RPA3: variants seen among roughly 807,000 people sequenced by gnomAD.
RPA3 encodes the protein replication protein A3, also known as replication protein A 14 kDa subunit.
In RPA3, 24 loss-of-function variants were observed where a neutral mutation model predicts 13.7. The observed-to-expected ratio is 1.75, with a 90% CI of 1.27 to 2.46. The LOEUF (loss-of-function observed/expected upper bound fraction) is 2.46, where lower values mean the gene tolerates loss of function less well. Ranked by LOEUF, RPA3 falls within the 30% of genes most tolerant of loss-of-function variation. The probability of loss-of-function intolerance (pLI) is 0.00; values close to 1 mark genes in which losing one functional copy is unlikely to be tolerated. For synonymous variants in RPA3, 59 were observed against 51.2 expected (o/e 1.15, Z -0.65); for missense variants, 183 against 151.0 (o/e 1.21, Z -1.11).
At chr7:7,669,166 A>G (rs1290716868) in intron 4 of RPA3, among the ~76,000 whole-genome samples, 6 of 152,030 alleles carry the variant, frequency 3.9e-5, no homozygotes, top group South Asian at 2.1e-4. Flanking sequence ...CATACTGTAT[A>G]TAGGGTTTAG....
chr7:7,666,037 G>T (rs1196233680), intron 4 of RPA3, among the ~76,000 whole-genome samples: 1 of 152,064 alleles, frequency 6.6e-6, no homozygotes, highest in Non-Finnish European at 1.5e-5. Context: ...TAAGGGCTAA[G>T]TTATATGGTG....
At chr7:7,673,792 C>G (rs1349888518) in intron 4 of RPA3, among the ~76,000 whole-genome samples, 2 of 151,748 alleles carry the variant, frequency 1.3e-5, no homozygotes, top group African/African-American at 4.8e-5. Context: ...ATAGTACTAA[C>G]CTTGTTTCAT....
At chr7:7,707,229 A>T (rs933889351) in intron 2 of RPA3, among the ~76,000 whole-genome samples, 2 of 152,168 alleles carry the variant, frequency 1.3e-5, no homozygotes, top group African/African-American at 4.8e-5. Flanking sequence ...TATATTCATT[A>T]TGGTTATAAA....
chr7:7,639,674 C>T (rs1784921571), intron 5 of RPA3, among the ~76,000 whole-genome samples: 1 of 152,144 alleles, frequency 6.6e-6, no homozygotes, highest in South Asian at 2.1e-4. Context: ...ACTCAGTTTC[C>T]CTACTTGGGA....
intron 4 of RPA3, among the ~76,000 whole-genome samples, chr7:7,668,354 G>A (rs572771599): frequency 3.3e-5 from 5 of 151,968 alleles, no homozygotes; most frequent in Non-Finnish European, 7.4e-5. Context: ...GTTACTTATG[G>A]CAACTAAGTA....
chr7:7,644,769 TG>T (rs1400163347), intron 4 of RPA3, among the ~76,000 whole-genome samples: 5 of 152,228 alleles, frequency 3.3e-5, no homozygotes, highest in Non-Finnish European at 7.3e-5. Flanking sequence ...TTTTGATGTC[TG>T]GGGCTGTGTT....
In RPA3 at chr7:7,669,931, A is replaced by T. The variant is rs748024308; in HGVS notation, c.-758+15899T>A. Among the ~76,000 whole-genome samples, 86 of 152,030 alleles carry T rather than the reference A, an allele frequency of 5.7e-4. 2 individuals are homozygous for T. The highest frequency in any genetic ancestry group is 2.0e-4 in the Admixed American group (3 of 15,264). Reference sequence around the variant, plus strand: ...TGGAGCCTAAATTATCCCTCCTTCTATAATATATTTGGGATATTATAATGT... The same window carrying T: ...TGGAGCCTAAATTATCCCTCCTTCTTTAATATATTTGGGATATTATAATGT... On this transcript the variant is annotated intron_variant, in intron 4 of 7. Transcript: ENST00000223129.
chr7:7,692,441 C>G (rs962343484), intron 2 of RPA3: 2 of 152,174 alleles, frequency 1.3e-5, no homozygotes, highest in Non-Finnish European at 2.9e-5. Flanking sequence ...GGATTGAATG[C>G]TATGGGCACC....
chr7:7,699,397 T>C (rs1321693126), intron 2 of RPA3, among the ~76,000 whole-genome samples: 1 of 152,220 alleles, frequency 6.6e-6, no homozygotes, highest in East Asian at 1.9e-4. Context: ...CCTTAGAATT[T>C]TGTAAGAATT....
chr7:7,649,945 A>G (rs1242919385), intron 4 of RPA3, among the ~76,000 whole-genome samples: 2 of 152,346 alleles, frequency 1.3e-5, no homozygotes, highest in Admixed American at 1.3e-4. Context: ...CATTCATCAG[A>G]CACTGAATAT....
At position 7,636,873 on chromosome 7, in the gene RPA3, G is replaced by T; in HGVS notation, c.*127C>A. On this transcript the variant is annotated 3_prime_UTR_variant, in exon 8 of 8. Coordinates refer to ENST00000223129, the MANE Select transcript of RPA3 (RefSeq NM_002947.5). ...ATATCAGTTCCATCAAAAACTCTAG[G>T]TTGGAATATCTTAAAAACAGCAAAT... The T allele has an allele frequency of 1.4e-6, 1 of 731,844 alleles. No homozygotes were observed. Among genetic ancestry groups the T allele is most frequent in the Non-Finnish European group, 2.4e-6 (1 of 424,808 alleles). 45.3% of individuals were successfully genotyped at this position (731,844 alleles called of 1,614,324 possible).
chr7:7,667,483 G>A (rs1779494328), intron 4 of RPA3, among the ~76,000 whole-genome samples: 1 of 152,152 alleles, frequency 6.6e-6, no homozygotes, highest in Non-Finnish European at 1.5e-5. Flanking sequence ...TTCTGCTAAG[G>A]ATTGCCTCAG....
At chr7:7,711,291 C>T (rs183563311) in intron 2 of RPA3, among the ~76,000 whole-genome samples, 153 of 152,294 alleles carry the variant, frequency 1.0e-3, no homozygotes, top group Middle Eastern at 3.4e-3. Context: ...CAACATGATG[C>T]TGTTACAAAC....
intron 2 of RPA3, among the ~76,000 whole-genome samples, chr7:7,692,868 C>A (rs28912719): frequency 6.6e-6 from 1 of 152,244 alleles, no homozygotes; most frequent in East Asian, 1.9e-4. Context: ...CGGCTTCCCA[C>A]AGGGCTGGGA....
Position 7,639,134 on chromosome 7 carries a change from G to T in RPA3, c.110C>A (p.Thr37Asn). 1.2e-6 allele frequency: 2 copies of T among 1,608,732 alleles called. No individual in the cohort carries two copies. Among genetic ancestry groups the T allele is most frequent in the South Asian group, 2.2e-5 (2 of 89,350 alleles). Residue 37 changes from threonine to asparagine, a missense_variant, in exon 6 of 8, where the codon ACC becomes AAC. By Grantham distance (65) the Thr-to-Asn change is moderately conservative. Transcript: ENST00000223129. The stretch of plus-strand genomic sequence containing the variant: ...ATCTGAAAGAATAAACATTTTTCCG[G>T]TGGGATGAATCTAAAAACGAAACAT... ...FVGRLEKIHP[T>N]GKMFILSDGE...
chr7:7,714,810 T>A (rs28912681), intron 2 of RPA3, among the ~76,000 whole-genome samples: 11,803 of 151,758 alleles, frequency 0.078, 539 homozygotes, highest in Middle Eastern at 0.11. Context: ...TTGTGTAGAG[T>A]AATTTTTTTA....
chr7:7,665,152 T>G (rs766185540), intron 4 of RPA3, among the ~76,000 whole-genome samples: 1 of 152,162 alleles, frequency 6.6e-6, no homozygotes, highest in Non-Finnish European at 1.5e-5. Context: ...AAGGAGATAA[T>G]CAAATTGAGA....
chr7:7,640,051 T>C (rs143501647), intron 5 of RPA3: 327 of 473,796 alleles, frequency 6.9e-4, no homozygotes, highest in Middle Eastern at 6.6e-3. Context: ...GTGTTTATAA[T>C]TTCCCTTACG....
intron 4 of RPA3, among the ~76,000 whole-genome samples, chr7:7,681,258 C>T (rs1044113976): frequency 6.6e-6 from 1 of 152,086 alleles, no homozygotes; most frequent in South Asian, 2.1e-4. Context: ...AATACCTTTT[C>T]CCCTAGGCAA....
Sources: allele counts gnomAD v4.1 joint callset (sites outside exome capture counted in the v4.1 genomes callset), GRCh38; gene constraint gnomAD v4.1.1; transcripts MANE v1.5; gene names NCBI Gene and HGNC (gene_info 2026-07-23, HGNC 2026-07-21).